The following ACOXL variants were observed in gnomAD, a reference collection of about 807,000 sequenced individuals.
ACOXL encodes acyl-CoA oxidase like.
A neutral mutation model predicts 71.9 loss-of-function variants in ACOXL; 70 were observed. The ratio of observed to expected loss-of-function variants is 0.97; its 90% CI spans 0.80 to 1.19. The LOEUF (loss-of-function observed/expected upper bound fraction) is 1.19, where lower values mean the gene tolerates loss of function less well. Among genes scored for constraint, ACOXL ranks in the 50% most tolerant of loss-of-function variants. The pLI is 0.00. For missense variants in ACOXL, 703 were observed against 736.3 expected, an observed-to-expected ratio of 0.95 and a Z score of 0.52; for synonymous variants, 253 against 281.6, an observed-to-expected ratio of 0.90 and a Z score of 1.02.
chr2:111,050,986 C>T (rs551734817), intron 16 of ACOXL, among the ~76,000 whole-genome samples: 7 of 152,276 alleles, frequency 4.6e-5, no homozygotes, highest in African/African-American at 1.7e-4. Context: ...CTAAGATGGC[C>T]TGAGGTTTCC....
chr2:111,033,812 G>A (rs1043250201), intron 15 of ACOXL, among the ~76,000 whole-genome samples: 3 of 152,132 alleles, frequency 2.0e-5, no homozygotes, highest in African/African-American at 7.2e-5. Context: ...TGTGGCCCTG[G>A]CTCCTCCCTC....
intron 9 of ACOXL, among the ~76,000 whole-genome samples, chr2:110,828,307 C>A (rs1689406447): frequency 2.0e-5 from 3 of 152,142 alleles, no homozygotes; most frequent in African/African-American, 7.2e-5. Flanking sequence ...TACATTATTT[C>A]AATTTTTGCT....
intron 12 of ACOXL, among the ~76,000 whole-genome samples, chr2:110,935,473 G>C (rs2060626134): frequency 1.3e-5 from 2 of 152,132 alleles, no homozygotes; most frequent in African/African-American, 4.8e-5. Flanking sequence ...GTGCCACCCG[G>C]AACAACCGCC....
intron 17 of ACOXL, among the ~76,000 whole-genome samples, chr2:111,104,212 T>C (rs1007948302): frequency 2.4e-4 from 36 of 152,248 alleles, no homozygotes; most frequent in African/African-American, 8.7e-4. Flanking sequence ...GACTGCAGTT[T>C]GTTGAACCAC....
At chr2:111,019,322 C>T (rs923470041) in intron 14 of ACOXL, among the ~76,000 whole-genome samples, 1 of 152,152 alleles carries the variant, frequency 6.6e-6, no homozygotes, top group African/African-American at 2.4e-5. Context: ...TTTATTTACA[C>T]ATCTGTTGTT....
chr2:111,005,361 A>AT (rs1324809351), intron 14 of ACOXL, among the ~76,000 whole-genome samples: 1 of 152,154 alleles, frequency 6.6e-6, no homozygotes, highest in African/African-American at 2.4e-5. Flanking sequence ...GCTCTGAGTT[A>AT]TTTTTCCTTA....
intron 15 of ACOXL, 104 bp from the exon 16 acceptor site, chr2:111,049,114 A>C: frequency 5.9e-5 from 50 of 849,082 alleles, no homozygotes; most frequent in Non-Finnish European, 8.8e-5. Context: ...AAGGACGGAC[A>C]GCATGCTGTT....
intron 10 of ACOXL, among the ~76,000 whole-genome samples, chr2:110,902,032 CA>C (rs34402895): frequency 5.4e-4 from 73 of 134,524 alleles, no homozygotes; most frequent in Admixed American, 5.9e-4. Context: ...ACGATTCTGT[CA>C]AAAAAAAAAA....
At chr2:110,944,238 A>G (rs956403159) in intron 12 of ACOXL, among the ~76,000 whole-genome samples, 1 of 152,166 alleles carries the variant, frequency 6.6e-6, no homozygotes, top group Non-Finnish European at 1.5e-5. Flanking sequence ...TATTTATAGT[A>G]GAGACGGGTT....
intron 14 of ACOXL, among the ~76,000 whole-genome samples, chr2:111,000,416 T>C (rs1305773824): frequency 6.6e-6 from 1 of 152,230 alleles, no homozygotes; most frequent in East Asian, 1.9e-4. Flanking sequence ...GCTTTTAATA[T>C]GCAGGACCTG....
At chr2:111,049,919 C>T (rs2066203157) in intron 16 of ACOXL, among the ~76,000 whole-genome samples, 8 of 152,016 alleles carry the variant, frequency 5.3e-5, no homozygotes, top group Admixed American at 5.2e-4. Context: ...GTGGAAAACC[C>T]TGGCAAGCTG....
intron 16 of ACOXL, among the ~76,000 whole-genome samples, chr2:111,082,001 C>T (rs764057201): frequency 4.6e-5 from 7 of 152,184 alleles, no homozygotes; most frequent in African/African-American, 9.7e-5. Flanking sequence ...CTTGCTTACA[C>T]TTTATACAAA....
intron 14 of ACOXL, among the ~76,000 whole-genome samples, chr2:111,000,923 A>G (rs1273874654): frequency 2.0e-5 from 3 of 152,248 alleles, no homozygotes; most frequent in Non-Finnish European, 2.9e-5. Context: ...CAGCTTAACC[A>G]TATCAGCAGA....
chr2:110,744,450 C>T (rs1419295891), intron 1 of ACOXL, among the ~76,000 whole-genome samples: 1 of 152,104 alleles, frequency 6.6e-6, no homozygotes, highest in East Asian at 1.9e-4. Flanking sequence ...TGAGACATTC[C>T]CTTCTCAAAG....
At chr2:111,105,017 A>C (rs977709121) in intron 17 of ACOXL, among the ~76,000 whole-genome samples, 1 of 152,148 alleles carries the variant, frequency 6.6e-6, no homozygotes, top group Non-Finnish European at 1.5e-5. Context: ...TAGGAAACTT[A>C]GGTTGAGATT....
intron 17 of ACOXL, 30 bp downstream of exon 17, chr2:111,092,996 T>C (rs745910655): frequency 6.5e-7 from 1 of 1,550,314 alleles, no homozygotes; most frequent in Admixed American, 1.7e-5. Context: ...GAAAAACACT[T>C]TGTACATCAG....
chr2:111,081,199 G>C (rs1450410734), intron 16 of ACOXL, among the ~76,000 whole-genome samples: 1 of 152,158 alleles, frequency 6.6e-6, no homozygotes, highest in Non-Finnish European at 1.5e-5. Flanking sequence ...AGAAATAAAG[G>C]ATATTCAAAT....
intron 9 of ACOXL, among the ~76,000 whole-genome samples, chr2:110,832,740 A>C (rs1689997641): frequency 6.6e-6 from 1 of 152,186 alleles, no homozygotes; most frequent in Admixed American, 6.5e-5. Flanking sequence ...ATAAAAGCTG[A>C]ACAATCCAAT....
At chr2:110,815,471 A>G (rs1469340428) in intron 9 of ACOXL, among the ~76,000 whole-genome samples, 2 of 152,176 alleles carry the variant, frequency 1.3e-5, no homozygotes, top group African/African-American at 4.8e-5. Flanking sequence ...TTATTTCTCA[A>G]TTTGTACAAA....
Sources: gnomAD v4.1 joint callset for allele counts (sites outside exome capture counted in the v4.1 genomes callset) on GRCh38, gnomAD v4.1.1 for gene constraint, MANE v1.5 for transcripts, NCBI Gene and HGNC (gene_info 2026-07-23, HGNC 2026-07-21) for gene names.